Variants in ARMC8 observed in about 807,000 individuals in gnomAD.
ARMC8 encodes the protein armadillo repeat-containing protein 8.
A neutral mutation model predicts 99.3 loss-of-function variants in ARMC8; 20 were observed. That is an observed-to-expected ratio of 0.20 (90% CI 0.14 to 0.29). The LOEUF (loss-of-function observed/expected upper bound fraction) is 0.29. Among genes scored for constraint, ARMC8 ranks in the 10% least tolerant of loss-of-function variants. The pLI, the probability that ARMC8 is intolerant of heterozygous loss-of-function variation, is 1.00. For missense variants in ARMC8, 569 were observed against 809.5 expected, an observed-to-expected ratio of 0.70 and a Z score of 3.60; for synonymous variants, 263 against 278.3, an observed-to-expected ratio of 0.95 and a Z score of 0.55.
At chr3:138,247,605 G>A (rs1048030767) in intron 12 of ARMC8, among the ~76,000 whole-genome samples, 2 of 152,160 alleles carry the variant, frequency 1.3e-5, no homozygotes, top group Non-Finnish European at 2.9e-5. Context: ...AGGAAAGGAG[G>A]CAGAATGAAG....
At chr3:138,291,754 G>T (rs2050974022) in intron 21 of ARMC8, among the ~76,000 whole-genome samples, 1 of 152,204 alleles carries the variant, frequency 6.6e-6, no homozygotes, top group Non-Finnish European at 1.5e-5. Flanking sequence ...CAAATGCATA[G>T]AGGAAGAGTA....
chr3:138,293,599 G>C (rs2051194312), intron 21 of ARMC8, among the ~76,000 whole-genome samples: 1 of 152,046 alleles, frequency 6.6e-6, no homozygotes, highest in Non-Finnish European at 1.5e-5. Flanking sequence ...CTGGTCAGAT[G>C]AGTGTACCAT....
At chr3:138,197,429 A>G (rs918734767) in intron 1 of ARMC8, among the ~76,000 whole-genome samples, 4 of 152,360 alleles carry the variant, frequency 2.6e-5, no homozygotes, top group African/African-American at 9.6e-5. Flanking sequence ...GATGGTACCC[A>G]GGATCTCTAA....
intron 6 of ARMC8, among the ~76,000 whole-genome samples, chr3:138,231,949 T>G (rs1271876523): frequency 7.1e-6 from 1 of 141,780 alleles, no homozygotes; most frequent in African/African-American, 2.6e-5. Context: ...ACTAATTCTT[T>G]CCTTGCAATT....
At chr3:138,235,524 T>C (rs187683230) in intron 7 of ARMC8, among the ~76,000 whole-genome samples, 16 of 152,324 alleles carry the variant, frequency 1.1e-4, no homozygotes, top group Admixed American at 8.5e-4. Context: ...AAATGTGTTA[T>C]GTTTTGTATT....
chr3:138,288,995 C>T, intron 19 of ARMC8, 53 bp from the exon 20 acceptor site: 1 of 1,492,352 alleles, frequency 6.7e-7, no homozygotes, highest in Non-Finnish European at 9.2e-7. Flanking sequence ...AAAAAAAAAT[C>T]TAAAATGAGA....
In ARMC8 at chr3:138,271,798, C is replaced by CTT. The variant is rs776320900; in HGVS notation, c.1480-1155_1480-1154dup. ...AGTTCACAAGATTTTTTTTTTCTTTCTTTTTTTTTTTTTTTGATACAGAGT... is the reference window on the plus strand; with the variant it reads ...AGTTCACAAGATTTTTTTTTTCTTTCTTTTTTTTTTTTTTTTTGATACAGAGT... On this transcript the variant is annotated intron_variant, in intron 16 of 21. Transcript: ENST00000469044. 3.8e-4 allele frequency among the ~76,000 whole-genome samples: 52 copies of CTT among 136,132 alleles called. 1 individual carries two copies. The highest frequency in any genetic ancestry group is 1.3e-3 in the African/African-American group (45 of 35,292). The allele number at this position is 136,132 out of a possible 152,430, so 89.3% of individuals were successfully genotyped here.
chr3:138,265,243 T>C (rs1270145317), intron 14 of ARMC8, among the ~76,000 whole-genome samples: 5 of 152,052 alleles, frequency 3.3e-5, no homozygotes, highest in Non-Finnish European at 5.9e-5. Flanking sequence ...GGTCTTCTCT[T>C]CAGGCCCCTT....
intron 11 of ARMC8, among the ~76,000 whole-genome samples, 190 bp from the exon 12 acceptor site, chr3:138,244,898 A>G (rs369378858): frequency 6.6e-6 from 1 of 152,270 alleles, no homozygotes; most frequent in African/African-American, 2.4e-5. Context: ...TTTAGGTCAC[A>G]TTGATACGAA....
intron 12 of ARMC8, among the ~76,000 whole-genome samples, chr3:138,260,957 A>G (rs929289885): frequency 9.2e-5 from 14 of 152,220 alleles, no homozygotes; most frequent in Admixed American, 7.9e-4. Flanking sequence ...TTAAGTAAAA[A>G]TAATTTCCCA....
In ARMC8 at chr3:138,201,381, A is replaced by G. The variant is rs570812522; in HGVS notation, c.46-8436A>G. ...TCTTTCTCAAACACTTTTTTGCTTT[A>G]GAGCTCTTGCATATGTTGTGCTCTC... On this transcript the variant is annotated intron_variant, in intron 1 of 21. Coordinates refer to ENST00000469044, the MANE Select transcript of ARMC8 (RefSeq NM_001363941.2). Among the ~76,000 whole-genome samples, 22 of 133,498 alleles carry G rather than the reference A, an allele frequency of 1.6e-4. No individual in the cohort carries two copies. In the South Asian group the frequency reaches 4.9e-3, roughly 30 times the overall value. The allele number at this position is 133,498 out of a possible 152,430, so 87.6% of individuals were successfully genotyped here. A position where few individuals can be genotyped will look rare whatever the true frequency, so the allele number is the denominator to read the frequency against.
intron 1 of ARMC8, among the ~76,000 whole-genome samples, chr3:138,207,485 A>C (rs1263316213): frequency 6.6e-6 from 1 of 152,234 alleles, no homozygotes; most frequent in Non-Finnish European, 1.5e-5. Flanking sequence ...TAAGATACAC[A>C]TCATTGAGAG....
chr3:138,190,798 C>T (rs998267877), intron 1 of ARMC8, among the ~76,000 whole-genome samples: 1 of 152,178 alleles, frequency 6.6e-6, no homozygotes, highest in Non-Finnish European at 1.5e-5. Context: ...TTTGGGAATA[C>T]AGCCGTAAGC....
chr3:138,251,257 G>A (rs987148391), intron 12 of ARMC8, among the ~76,000 whole-genome samples: 2 of 151,930 alleles, frequency 1.3e-5, no homozygotes, highest in Admixed American at 6.6e-5. Flanking sequence ...TAAATGTACC[G>A]TGAATTTATA....
chr3:138,269,959 C>CA (rs1197755475), intron 15 of ARMC8, 81 bp from the exon 16 acceptor site: 1 of 840,822 alleles, frequency 1.2e-6, no homozygotes, highest in Non-Finnish European at 1.9e-6. Flanking sequence ...GAAGAAATCA[C>CA]AAAGTGCCAA....
At chr3:138,211,122 A>C (rs1311526278) in intron 2 of ARMC8, among the ~76,000 whole-genome samples, 1 of 151,734 alleles carries the variant, frequency 6.6e-6, no homozygotes, top group Non-Finnish European at 1.5e-5. Context: ...CCATCTATTA[A>C]ATAAATCAGT....
At chr3:138,291,254 A>G (rs2050918331) in intron 21 of ARMC8, among the ~76,000 whole-genome samples, 2 of 152,228 alleles carry the variant, frequency 1.3e-5, no homozygotes, top group Non-Finnish European at 2.9e-5. Context: ...ACTCTTGAGC[A>G]TGGCTTAGAA....
intron 17 of ARMC8, 103 bp downstream of exon 17, chr3:138,273,219 A>G: frequency 8.3e-7 from 1 of 1,197,762 alleles, no homozygotes; most frequent in Non-Finnish European, 1.2e-6. Context: ...CATGAGTGTG[A>G]TTCAAATGCT....
intron 1 of ARMC8, chr3:138,187,980 T>A: frequency 3.6e-6 from 1 of 281,156 alleles, no homozygotes; most frequent in East Asian, 7.0e-5. Context: ...GCGCCGGGCT[T>A]GCAGCCGGCC....
Sources: allele counts gnomAD v4.1 joint callset (sites outside exome capture counted in the v4.1 genomes callset), GRCh38; gene constraint gnomAD v4.1.1; transcripts MANE v1.5; gene names NCBI Gene and HGNC (gene_info 2026-07-23, HGNC 2026-07-21).